Variants in TDRD7 observed in about 807,000 individuals in gnomAD.
The protein encoded by TDRD7 is tudor domain containing 7, also known as tudor domain-containing protein 7.
In TDRD7, 47 loss-of-function variants were observed where a neutral mutation model predicts 109.8. The observed-to-expected ratio is 0.43, with a 90% CI of 0.34 to 0.55. The LOEUF is 0.55. Among genes scored for constraint, TDRD7 ranks in the 20% least tolerant of loss-of-function variants. The probability of loss-of-function intolerance (pLI) is 0.03; values close to 1 mark genes in which losing one functional copy is unlikely to be tolerated. For missense variants in TDRD7, 1,164 were observed against 1,319.2 expected, an observed-to-expected ratio of 0.88 and a Z score of 1.82; for synonymous variants, 424 against 457.3, an observed-to-expected ratio of 0.93 and a Z score of 0.93.
intron 16 of TDRD7, among the ~76,000 whole-genome samples, chr9:97,488,560 G>GTTTTTTTTTTTTTTTTTT (rs61689126): frequency 4.3e-5 from 6 of 140,582 alleles, no homozygotes; most frequent in Non-Finnish European, 3.1e-5. Flanking sequence ...AGATTTAATG[G>GTTTTTTTTTTTTTTTTTT]TTTTTTTTTT....
intron 8 of TDRD7, among the ~76,000 whole-genome samples, chr9:97,466,477 A>G (rs1477974618): frequency 1.3e-5 from 2 of 152,208 alleles, no homozygotes; most frequent in African/African-American, 4.8e-5. Flanking sequence ...AAGGCCCACA[A>G]GGTGTCTTGT....
At chr9:97,478,708 C>A in intron 13 of TDRD7, 135 bp downstream of exon 13, 1 of 1,283,866 alleles carries the variant, frequency 7.8e-7, no homozygotes, top group Non-Finnish European at 1.1e-6. Context: ...TGGTTGTCTG[C>A]TGGTTTTCAG....
intron 8 of TDRD7, 94 bp from the exon 9 acceptor site, chr9:97,470,463 CT>C: frequency 8.5e-7 from 1 of 1,179,880 alleles, no homozygotes; most frequent in Non-Finnish European, 1.2e-6. Flanking sequence ...ACTCAGCTTG[CT>C]GATCATGGAA....
rs192440518 is a variant in TDRD7, at chr9:97,494,392, C to T, written c.3077-1271C>T. Among the ~76,000 whole-genome samples, 710 of 152,238 alleles carry T rather than the reference C, an allele frequency of 4.7e-3. 23 individuals are homozygous for T. Among genetic ancestry groups the T allele is most frequent in the Admixed American group, 0.041 (621 of 15,296 alleles). ...GGCCATGCACAAAATTTTCTGAATC[C>T]TAGAAGAAAGGGAGCCATACTGTGG... On this transcript the variant is annotated intron_variant, in intron 16 of 16. Coordinates refer to ENST00000355295, the MANE Select transcript of TDRD7 (RefSeq NM_014290.3).
At chr9:97,440,923 C>T (rs557163800) in intron 5 of TDRD7, among the ~76,000 whole-genome samples, 65 of 152,254 alleles carry the variant, frequency 4.3e-4, no homozygotes, top group African/African-American at 1.4e-3. Context: ...GGGATATTAA[C>T]TCTCACATTC....
At chr9:97,458,803 C>G (rs1828662507) in intron 6 of TDRD7, among the ~76,000 whole-genome samples, 1 of 152,152 alleles carries the variant, frequency 6.6e-6, no homozygotes, top group African/African-American at 2.4e-5. Context: ...ACCAAGTTGC[C>G]TATGTCTTTT....
chr9:97,474,926 A>G (rs959002139), intron 11 of TDRD7, among the ~76,000 whole-genome samples: 2 of 152,160 alleles, frequency 1.3e-5, no homozygotes, highest in Non-Finnish European at 2.9e-5. Flanking sequence ...ACTGACATAC[A>G]TATTTGTGTT....
chr9:97,441,660 A>T lies in TDRD7; in HGVS notation c.640A>T (p.Asn214Tyr), dbSNP rs941943951. The change falls in exon 6 of 17, where the codon AAT becomes TAT. Residue 214 changes from asparagine (N) to tyrosine (Y), a missense_variant and splice_region_variant. Transcript: ENST00000355295. ...SRTSTKEMSD[N>Y]LNQTVEKPNV... ...TCTATTATTTTTTTAATTTAAAGAT[A>T]ATTTAAATCAGACTGTTGAAAAACC... is the stretch of plus-strand genomic sequence containing the variant. 1 of 1,600,228 alleles carries T rather than the reference A, an allele frequency of 6.2e-7. No individual in the cohort carries two copies. The highest frequency in any genetic ancestry group is 1.1e-5 in the South Asian group (1 of 89,642).
At chr9:97,476,101 A>G (rs1177870738) in intron 12 of TDRD7, among the ~76,000 whole-genome samples, 1 of 152,130 alleles carries the variant, frequency 6.6e-6, no homozygotes, top group Non-Finnish European at 1.5e-5. Context: ...GGTATTGGGA[A>G]TGCATATCTT....
chr9:97,435,833 A>G (rs1250051915), intron 4 of TDRD7, among the ~76,000 whole-genome samples: 3 of 152,184 alleles, frequency 2.0e-5, no homozygotes, highest in East Asian at 1.9e-4. Flanking sequence ...AGAAACATCT[A>G]TATCTACTTA....
chr9:97,434,595 A>G (rs1312560952), intron 4 of TDRD7, among the ~76,000 whole-genome samples: 2 of 152,176 alleles, frequency 1.3e-5, no homozygotes, highest in Non-Finnish European at 2.9e-5. Context: ...CATATTGCAT[A>G]CCATAAATAT....
In TDRD7 at chr9:97,441,675, G is replaced by A. The variant is rs762408681; in HGVS notation, c.655G>A (p.Val219Ile). 6.2e-7 allele frequency: 1 copy of A among 1,610,882 alleles called. No individual in the cohort carries two copies. Among genetic ancestry groups the A allele is most frequent in the South Asian group, 1.1e-5 (1 of 90,620 alleles). The stretch of plus-strand genomic sequence containing the variant: ...ATTTAAAGATAATTTAAATCAGACT[G>A]TTGAAAAACCCAATGTCAAGCCTCC... ...KEMSDNLNQT[V>I]EKPNVKPPAS... Residue 219 changes from valine (V) to isoleucine (I), a missense_variant, in exon 6 of 17, where the codon GTT becomes ATT. Around this residue, in one of 5 missense-constraint regions of TDRD7, gnomAD observed 407 missense variants for 394.0 expected, o/e 1.03. Coordinates refer to ENST00000355295, the MANE Select transcript of TDRD7 (RefSeq NM_014290.3).
chr9:97,464,754 A>G, intron 7 of TDRD7, 88 bp from the exon 8 acceptor site: 1 of 1,409,472 alleles, frequency 7.1e-7, no homozygotes, highest in Non-Finnish European at 1.0e-6. Context: ...AGATGGCAGC[A>G]GGGAAAAAAG....
rs576456543 is a variant in TDRD7 at position 97,460,036 on chromosome 9, G to A, written c.856-142G>A. 111 of 732,696 alleles carry A rather than the reference G, an allele frequency of 1.5e-4. 4 individuals are homozygous for A. Among genetic ancestry groups the A allele is most frequent in the Middle Eastern group, 7.1e-4 (2 of 2,830 alleles). 45.4% of individuals were successfully genotyped at this position (732,696 alleles called of 1,614,324 possible). A position where few individuals can be genotyped will look rare whatever the true frequency, so the allele number is the denominator to read the frequency against. On this transcript the variant is annotated intron_variant, in intron 6 of 16. Transcript: ENST00000355295. The stretch of plus-strand genomic sequence containing the variant: ...TTGCAGGTGGAGATAATGCATTAAA[G>A]TCCTAGCAATTGAAAAGAGTAAATC...
At chr9:97,492,093 T>C (rs1245476563) in intron 16 of TDRD7, among the ~76,000 whole-genome samples, 1 of 152,238 alleles carries the variant, frequency 6.6e-6, no homozygotes, top group Non-Finnish European at 1.5e-5. Context: ...TCTTCCTGTC[T>C]GTCTCTCTGG....
intron 4 of TDRD7, among the ~76,000 whole-genome samples, chr9:97,437,463 G>A (rs903173034): frequency 4.6e-5 from 7 of 152,154 alleles, no homozygotes; most frequent in African/African-American, 1.7e-4. Flanking sequence ...GATTATACTA[G>A]CAAAGTTGAA....
chr9:97,429,026 C>G (rs1828055211), intron 2 of TDRD7, among the ~76,000 whole-genome samples: 1 of 152,174 alleles, frequency 6.6e-6, no homozygotes, highest in South Asian at 2.1e-4. Flanking sequence ...TCACTAATGA[C>G]CTTGTGATCA....
intron 9 of TDRD7, among the ~76,000 whole-genome samples, chr9:97,471,068 TG>T (rs1828902933): frequency 1.3e-5 from 2 of 152,170 alleles, no homozygotes; most frequent in Admixed American, 6.5e-5. Context: ...AGGGTGTGAC[TG>T]ACACACCTTC....
At chr9:97,484,469 A>AACACACAC (rs66794888) in intron 15 of TDRD7, among the ~76,000 whole-genome samples, 88 of 147,258 alleles carry the variant, frequency 6.0e-4, no homozygotes, top group Admixed American at 2.8e-3. Flanking sequence ...ACCCCTCCCC[A>AACACACAC]ACACACACAC....
Sources: gnomAD v4.1 joint callset for allele counts (sites outside exome capture counted in the v4.1 genomes callset) on GRCh38, gnomAD v4.1.1 for gene constraint, gnomAD v4.1.1 regional missense constraint, MANE v1.5 for transcripts, NCBI Gene and HGNC (gene_info 2026-07-23, HGNC 2026-07-21) for gene names.